Variants in ARL13B observed in about 807,000 individuals in gnomAD.
ARL13B encodes the protein ARF like GTPase 13B, also known as ADP-ribosylation factor-like protein 13B.
A neutral mutation model predicts 56.1 loss-of-function variants in ARL13B; 36 were observed. The observed-to-expected ratio is 0.64, with a 90% CI of 0.49 to 0.85. The LOEUF is 0.85. ARL13B is among the 40% of genes least tolerant of loss of function. The pLI is 0.00. For synonymous variants in ARL13B, 178 were observed against 171.1 expected, an observed-to-expected ratio of 1.04 and a Z score of -0.32; for missense variants, 519 against 507.1, an observed-to-expected ratio of 1.02 and a Z score of -0.23.
At chr3:94,045,125 G>A (rs1397842611) in intron 7 of ARL13B, among the ~76,000 whole-genome samples, 2 of 152,202 alleles carry the variant, frequency 1.3e-5, no homozygotes, top group Non-Finnish European at 2.9e-5. Flanking sequence ...GCCTTGGGAT[G>A]CTGTTAATCT....
In ARL13B at chr3:94,055,195, T is replaced by C; in HGVS notation, c.*1932T>C. On this transcript the variant is annotated 3_prime_UTR_variant, in exon 10 of 10. Transcript: ENST00000394222. Reference sequence around the variant, plus strand: ...GTAAATCCAGGTGTATTTTAACAATTAAATGCCTATTTTGTTATATGTTAT... The same window carrying C: ...GTAAATCCAGGTGTATTTTAACAATCAAATGCCTATTTTGTTATATGTTAT... 2.6e-6 allele frequency: 1 copy of C among 380,054 alleles called. No homozygotes were observed. Among genetic ancestry groups the C allele is most frequent in the Non-Finnish European group, 5.1e-6 (1 of 197,292 alleles). The allele number at this position is 380,054 out of a possible 1,614,324, so 23.5% of individuals were successfully genotyped here.
At position 94,053,915 on chromosome 3, in the gene ARL13B, T is replaced by C. The variant is rs892591838; in HGVS notation, c.*652T>C. The C allele has an allele frequency of 3.5e-5, 11 of 318,656 alleles. No homozygotes were observed. The highest frequency in any genetic ancestry group is 2.6e-4 in the Admixed American group (6 of 22,798). The allele number at this position is 318,656 out of a possible 1,614,324, so 19.7% of individuals were successfully genotyped here. ...AAGTGTACATCGTAATTTGACCTAA[T>C]TTAAAAATAATATATTTTCGAAGTA... On this transcript the variant is annotated 3_prime_UTR_variant, in exon 10 of 10. Coordinates refer to ENST00000394222, the MANE Select transcript of ARL13B (RefSeq NM_001174150.2).
At chr3:94,027,237 T>C (rs569709031) in intron 3 of ARL13B, among the ~76,000 whole-genome samples, 3 of 152,172 alleles carry the variant, frequency 2.0e-5, no homozygotes, top group South Asian at 4.1e-4. Flanking sequence ...GAGGATCTTA[T>C]TGTAATATAT....
chr3:94,025,485 A>T (rs2076537536), intron 3 of ARL13B, among the ~76,000 whole-genome samples: 1 of 152,168 alleles, frequency 6.6e-6, no homozygotes, highest in Non-Finnish European at 1.5e-5. Context: ...CCTTTACATT[A>T]TTAGGTTATT....
Position 94,038,310 on chromosome 3 carries a change from C to T in ARL13B, c.689+1556C>T, listed in dbSNP as rs1292905644. On this transcript the variant is annotated intron_variant, in intron 5 of 9. Transcript: ENST00000394222. ...AAGCTAAGGCTCAAAAGATCCAGGT[C>T]CAAAGTCACAGAAGTAGTAAATTGC... Among the ~76,000 whole-genome samples the T allele has an allele frequency of 3.9e-5, 6 of 152,016 alleles. No individual in the cohort carries two copies. In the East Asian group the frequency reaches 1.2e-3, roughly 29 times the overall value.
intron 3 of ARL13B, chr3:94,015,195 A>T (rs2107490824): frequency 6.2e-7 from 1 of 1,613,268 alleles, no homozygotes; most frequent in Non-Finnish European, 8.5e-7. Flanking sequence ...CTGTTTCTGT[A>T]GTTGATACAT....
At chr3:93,999,442 T>G (rs1452272538) in intron 2 of ARL13B, among the ~76,000 whole-genome samples, 1 of 152,158 alleles carries the variant, frequency 6.6e-6, no homozygotes, top group Non-Finnish European at 1.5e-5. Flanking sequence ...TTCCCTTTTT[T>G]ATTTTTAATT....
At chr3:94,014,395 C>T (rs1575976885) in intron 3 of ARL13B, 1 of 1,527,712 alleles carries the variant, frequency 6.5e-7, no homozygotes, top group Non-Finnish European at 8.7e-7. Flanking sequence ...TTATTTTGAG[C>T]TACAGCATGG....
intron 3 of ARL13B, among the ~76,000 whole-genome samples, chr3:94,027,569 G>A (rs1420701425): frequency 2.6e-5 from 4 of 151,874 alleles, no homozygotes; most frequent in Admixed American, 6.6e-5. Flanking sequence ...GAGGTATTAC[G>A]TGGCCAATTC....
rs2076834440 is a variant in ARL13B, at chr3:94,039,951, C to T, written c.761C>T (p.Thr254Met). 6 of 1,613,924 alleles carry T rather than the reference C, an allele frequency of 3.7e-6. No homozygotes were observed. The highest frequency in any genetic ancestry group is 1.1e-5 in the South Asian group (1 of 91,046). Residue 254 changes from threonine (T) to methionine (M), a missense_variant, in exon 6 of 10, where the codon ACG becomes ATG. Transcript: ENST00000394222. ...CTGGCTGAGTTGGACCCAGAACCAA[C>T]GAATCCTTTCCAGCCAATAGCATCT... ...SGLAELDPEPTNPFQPIASVI... is the reference protein window; with the variant it reads ...SGLAELDPEPMNPFQPIASVI...
intron 3 of ARL13B, among the ~76,000 whole-genome samples, chr3:94,020,654 A>C (rs1414148476): frequency 6.6e-6 from 1 of 152,224 alleles, no homozygotes; most frequent in African/African-American, 2.4e-5. Flanking sequence ...AGATATTAAA[A>C]GTTTATTCGG....
Position 94,043,210 on chromosome 3 carries a change from G to A in ARL13B, c.994G>A (p.Asp332Asn). The A allele has an allele frequency of 6.2e-7, 1 of 1,613,310 alleles. No homozygotes were observed. ...ATTAACACAGCAGTTAAAGAATGAA[G>A]ATGAGACAGACCGGCCATCATTGGA... ...EALTQQLKNE[D>N]ETDRPSLESA... Residue 332 changes from aspartate to asparagine, a missense_variant, in exon 7 of 10, where the codon GAT (aspartate) becomes AAT (asparagine). By Grantham distance (23) the Asp-to-Asn change is conservative. Coordinates refer to ENST00000394222, the MANE Select transcript of ARL13B (RefSeq NM_001174150.2).
At chr3:93,983,177 C>A (rs767813063) in intron 1 of ARL13B, among the ~76,000 whole-genome samples, 1 of 152,164 alleles carries the variant, frequency 6.6e-6, no homozygotes, top group Non-Finnish European at 1.5e-5. Context: ...CACCTCTCCT[C>A]ACTTAGATCC....
intron 7 of ARL13B, chr3:94,048,077 G>A (rs1000419508): frequency 6.6e-6 from 1 of 152,652 alleles, no homozygotes; most frequent in African/African-American, 2.4e-5. Flanking sequence ...GCTGGGCAGG[G>A]TGGCTCACAT....
At chr3:94,051,723 C>T (rs2077070808) in intron 9 of ARL13B, among the ~76,000 whole-genome samples, 1 of 152,050 alleles carries the variant, frequency 6.6e-6, no homozygotes, top group Non-Finnish European at 1.5e-5. Flanking sequence ...AACTTGGTTT[C>T]ACTTACTAGG....
intron 1 of ARL13B, among the ~76,000 whole-genome samples, chr3:93,995,000 T>TG (rs2075941338): frequency 6.6e-6 from 1 of 152,192 alleles, no homozygotes; most frequent in Non-Finnish European, 1.5e-5. Context: ...TGTTAAGCTG[T>TG]GGCCTTCTTT....
At chr3:94,011,693 A>T (rs1184149568) in intron 3 of ARL13B, among the ~76,000 whole-genome samples, 1 of 152,046 alleles carries the variant, frequency 6.6e-6, no homozygotes, top group Non-Finnish European at 1.5e-5. Context: ...TTCTTATGTG[A>T]GGAGTTTCTC....
At chr3:94,001,169 T>G (rs1389578335) in intron 2 of ARL13B, among the ~76,000 whole-genome samples, 1 of 152,156 alleles carries the variant, frequency 6.6e-6, no homozygotes, top group Non-Finnish European at 1.5e-5. Context: ...AAAGGATTTA[T>G]GGGGAAAGTT....
At position 94,053,413 on chromosome 3, in the gene ARL13B, T is replaced by C. The variant is rs1227304899; in HGVS notation, c.*150T>C. The C allele has an allele frequency of 4.0e-6, 3 of 746,176 alleles. No individual in the cohort carries two copies. The Admixed American group carries it at 6.0e-5, about 15-fold the overall frequency. 46.2% of individuals were successfully genotyped at this position (746,176 alleles called of 1,614,324 possible). ...AAGATTAATACTCAAGGACCTGACT[T>C]GATAATTACTTATTTGTGTTTTTCA... On this transcript the variant is annotated 3_prime_UTR_variant, in exon 10 of 10. Transcript: ENST00000394222.
Sources: gnomAD v4.1 joint callset for allele counts (sites outside exome capture counted in the v4.1 genomes callset) on GRCh38, gnomAD v4.1.1 for gene constraint, MANE v1.5 for transcripts, NCBI Gene and HGNC (gene_info 2026-07-23, HGNC 2026-07-21) for gene names.